The following CNTNAP2 variants were observed in gnomAD, a reference collection of about 807,000 sequenced individuals.
CNTNAP2 encodes contactin-associated protein-like 2.
A neutral mutation model predicts 155.2 loss-of-function variants in CNTNAP2; 98 were observed. The observed-to-expected ratio is 0.63, with a 90% CI of 0.54 to 0.75. The LOEUF (loss-of-function observed/expected upper bound fraction) is 0.75, where lower values mean the gene tolerates loss of function less well. Among genes scored for constraint, CNTNAP2 ranks in the 30% least tolerant of loss-of-function variants. The pLI, the probability that CNTNAP2 is intolerant of heterozygous loss-of-function variation, is 0.00. For missense variants in CNTNAP2, 1,727 were observed against 1,688.1 expected, an observed-to-expected ratio of 1.02 and a Z score of -0.40; for synonymous variants, 651 against 631.2, an observed-to-expected ratio of 1.03 and a Z score of -0.47.
At chr7:148,106,058 T>A (rs1804210388) in intron 15 of CNTNAP2, among the ~76,000 whole-genome samples, 1 of 152,130 alleles carries the variant, frequency 6.6e-6, no homozygotes, top group African/African-American at 2.4e-5. Context: ...CACAGACTAT[T>A]TAGAAGGTGT....
intron 20 of CNTNAP2, among the ~76,000 whole-genome samples, chr7:148,266,757 T>C (rs1796677432): frequency 6.6e-6 from 1 of 152,176 alleles, no homozygotes; most frequent in African/African-American, 2.4e-5. Context: ...ACATGGATCT[T>C]AATCCTGTAG....
intron 15 of CNTNAP2, among the ~76,000 whole-genome samples, chr7:148,031,324 G>C (rs891814653): frequency 1.3e-5 from 2 of 152,160 alleles, no homozygotes; most frequent in African/African-American, 4.8e-5. Flanking sequence ...TCTAAGAAAA[G>C]AGAAGTCAAA....
chr7:146,458,382 T>G (rs910197874), intron 1 of CNTNAP2, among the ~76,000 whole-genome samples: 2 of 152,144 alleles, frequency 1.3e-5, no homozygotes, highest in Non-Finnish European at 2.9e-5. Flanking sequence ...AATAAATGTC[T>G]ATTAAGAAAA....
chr7:146,724,682 T>A (rs952275383), intron 1 of CNTNAP2, among the ~76,000 whole-genome samples: 1 of 149,100 alleles, frequency 6.7e-6, no homozygotes, highest in Non-Finnish European at 1.5e-5. Flanking sequence ...GCAATTCTCC[T>A]GTCTCAGCCT....
chr7:146,265,662 G>A (rs1375850070), intron 1 of CNTNAP2, among the ~76,000 whole-genome samples: 1 of 151,982 alleles, frequency 6.6e-6, no homozygotes, highest in Non-Finnish European at 1.5e-5. Context: ...GTTTTGCCAT[G>A]TTGGCCAGGC....
chr7:147,975,895 T>G (rs1042641685), intron 14 of CNTNAP2, among the ~76,000 whole-genome samples: 2 of 152,196 alleles, frequency 1.3e-5, no homozygotes, highest in Non-Finnish European at 2.9e-5. Flanking sequence ...TGGACAATTA[T>G]GCCCCATTAT....
intron 8 of CNTNAP2, among the ~76,000 whole-genome samples, chr7:147,176,589 T>C (rs1041568806): frequency 1.4e-5 from 2 of 146,818 alleles, no homozygotes; most frequent in African/African-American, 5.0e-5. Context: ...CAAGATAGAT[T>C]ATATCTTATA....
At chr7:148,305,862 C>G (rs953382954) in intron 21 of CNTNAP2, among the ~76,000 whole-genome samples, 1 of 152,116 alleles carries the variant, frequency 6.6e-6, no homozygotes, top group African/African-American at 2.4e-5. Context: ...GTATCACCAT[C>G]CTTGCATCTC....
intron 4 of CNTNAP2, among the ~76,000 whole-genome samples, chr7:147,068,600 G>A (rs907261530): frequency 6.6e-6 from 1 of 152,020 alleles, no homozygotes; most frequent in African/African-American, 2.4e-5. Context: ...CTCGTGATCC[G>A]CCAACCTCAG....
intron 5 of CNTNAP2, among the ~76,000 whole-genome samples, chr7:147,112,599 A>C (rs1800903461): frequency 6.6e-6 from 1 of 152,190 alleles, no homozygotes; most frequent in Non-Finnish European, 1.5e-5. Context: ...AATTTTATTC[A>C]AGAACTTTTC....
chr7:147,857,811 T>C (rs1799064851), intron 13 of CNTNAP2, among the ~76,000 whole-genome samples: 1 of 152,336 alleles, frequency 6.6e-6, no homozygotes, highest in Non-Finnish European at 1.5e-5. Flanking sequence ...CTAATATGAA[T>C]ATACATCTCT....
chr7:146,777,844 G>A (rs1386833240), intron 2 of CNTNAP2, among the ~76,000 whole-genome samples: 1 of 152,140 alleles, frequency 6.6e-6, no homozygotes, highest in Non-Finnish European at 1.5e-5. Flanking sequence ...GAAGAGCCAT[G>A]TAGGGTGAAA....
chr7:147,722,406 G>C (rs1056794574), intron 13 of CNTNAP2, among the ~76,000 whole-genome samples: 1 of 152,082 alleles, frequency 6.6e-6, no homozygotes, highest in African/African-American at 2.4e-5. Flanking sequence ...TCCTTAAAAG[G>C]CACATGGATT....
At chr7:146,506,388 A>G (rs1485130580) in intron 1 of CNTNAP2, among the ~76,000 whole-genome samples, 1 of 152,182 alleles carries the variant, frequency 6.6e-6, no homozygotes, top group Non-Finnish European at 1.5e-5. Context: ...TATCTTACAT[A>G]GACAAAGATA....
chr7:148,078,471 A>G (rs898793260), intron 15 of CNTNAP2, among the ~76,000 whole-genome samples: 1 of 152,018 alleles, frequency 6.6e-6, no homozygotes, highest in Admixed American at 6.6e-5. Context: ...TTTTTTTTAC[A>G]CCTATGATTT....
intron 1 of CNTNAP2, among the ~76,000 whole-genome samples, chr7:146,602,851 G>T (rs1220970235): frequency 2.0e-5 from 3 of 152,106 alleles, no homozygotes; most frequent in Admixed American, 6.6e-5. Context: ...GGATGGGGGA[G>T]ACCAAATACT....
intron 1 of CNTNAP2, among the ~76,000 whole-genome samples, chr7:146,546,819 C>G (rs1215538712): frequency 6.6e-6 from 1 of 151,858 alleles, no homozygotes; most frequent in East Asian, 1.9e-4. Context: ...AGAACTCACT[C>G]ACTATCACAA....
At chr7:148,188,394 G>A (rs548559713) in intron 18 of CNTNAP2, among the ~76,000 whole-genome samples, 4 of 152,316 alleles carry the variant, frequency 2.6e-5, no homozygotes, top group African/African-American at 9.6e-5. Flanking sequence ...GAGGAGCCAG[G>A]TGTAATTTAG....
At chr7:147,083,323 C>T (rs1340351504) in intron 4 of CNTNAP2, 2 of 151,814 alleles carry the variant, frequency 1.3e-5, no homozygotes, top group Non-Finnish European at 2.9e-5. Context: ...CGAGAGCCTT[C>T]AAAAGTATTA....
Sources: gnomAD v4.1 joint callset for allele counts (sites outside exome capture counted in the v4.1 genomes callset) on GRCh38, gnomAD v4.1.1 for gene constraint, MANE v1.5 for transcripts, NCBI Gene and HGNC (gene_info 2026-07-23, HGNC 2026-07-21) for gene names.